The following RPL28 variants were observed in gnomAD, a reference collection of about 807,000 sequenced individuals.
RPL28 encodes the protein ribosomal protein L28.
Under a neutral mutation model 12.5 loss-of-function variants are expected in RPL28, and 4 were observed. The ratio of observed to expected loss-of-function variants is 0.32; its 90% confidence interval spans 0.16 to 0.73. The LOEUF (loss-of-function observed/expected upper bound fraction) is 0.73. Among genes scored for constraint, RPL28 ranks in the 30% least tolerant of loss-of-function variants. The pLI, the probability that RPL28 is intolerant of heterozygous loss-of-function variation, is 0.66. For synonymous variants in RPL28, 91 were observed against 72.5 expected (o/e 1.26, Z -1.30); for missense variants, 214 against 197.7 (o/e 1.08, Z -0.49).
At chr19:55,386,532 T>C (rs769545911) in intron 2 of RPL28, 38 bp from the exon 3 acceptor site, 2 of 1,599,986 alleles carry the variant, frequency 1.3e-6, no homozygotes, top group South Asian at 1.1e-5. Context: ...TGTCTCCGGG[T>C]CCCTTATTCA....
intron 4 of RPL28, among the ~76,000 whole-genome samples, chr19:55,399,198 G>A (rs938316314): frequency 6.7e-6 from 1 of 149,386 alleles, no homozygotes. Flanking sequence ...ACAGAGTCTC[G>A]CTCTGTCACC....
At chr19:55,386,903 T>A in intron 3 of RPL28, 1 of 1,501,418 alleles carries the variant, frequency 6.7e-7, no homozygotes. Flanking sequence ...ACCTGTAAAG[T>A]GGAGAAATGA....
intron 4 of RPL28, chr19:55,401,828 G>A: frequency 1.3e-6 from 2 of 1,559,242 alleles, no homozygotes; most frequent in Non-Finnish European, 1.8e-6. Flanking sequence ...GCCTCCACAA[G>A]AGGGTGGCCT....
intron 3 of RPL28, 197 bp downstream of exon 3, chr19:55,386,890 C>T (rs776307810): frequency 1.3e-6 from 2 of 1,532,930 alleles, no homozygotes; most frequent in South Asian, 1.2e-5. Context: ...AGCCCGTGTC[C>T]TCACCTGTAA....
At position 55,389,490 on chromosome 19, in the gene RPL28, C is replaced by T. The variant is rs1337592848; in HGVS notation, c.*1158C>T. The T allele has an allele frequency of 2.7e-5, 27 of 985,278 alleles. No individual in the cohort carries two copies. The East Asian group carries it at 5.7e-4, about 21-fold the overall frequency. 61.0% of individuals were successfully genotyped at this position (985,278 alleles called of 1,614,324 possible). ...CTGGTTCCTGCCATCCTGGGGTACC[C>T]GATTCAAAGAAGGACTCTGCTCCCT... is the stretch of plus-strand genomic sequence containing the variant. On this transcript the variant is annotated 3_prime_UTR_variant, in exon 5 of 5. Transcript: ENST00000344063.
At chr19:55,399,189 CAG>C (rs1179827953) in intron 4 of RPL28, among the ~76,000 whole-genome samples, 2 of 151,052 alleles carry the variant, frequency 1.3e-5, no homozygotes, top group Admixed American at 6.6e-5. Context: ...TTCTTTGAGA[CAG>C]AGTCTCGCTC....
intron 4 of RPL28, among the ~76,000 whole-genome samples, chr19:55,399,589 G>T (rs1267590193): frequency 2.6e-5 from 4 of 152,168 alleles, no homozygotes; most frequent in African/African-American, 7.2e-5. Context: ...GGGTGGGGCT[G>T]AAATTCCCAA....
chr19:55,393,956 C>T (rs2090007829), downstream of RPL28, among the ~76,000 whole-genome samples: 2 of 148,554 alleles, frequency 1.3e-5, no homozygotes, highest in African/African-American at 4.9e-5. Context: ...AGCTACAAGT[C>T]TTTTTTTTAA....
Position 55,388,390 on chromosome 19 carries a change from C to T in RPL28, c.*58C>T. ...GCTTTCTCACCTGCCTCGACTGGGC[C>T]TCCCTTTTTGAAACGCTCTGGGGAG... On this transcript the variant is annotated 3_prime_UTR_variant, in exon 5 of 5. Transcript: ENST00000344063. 7.0e-7 allele frequency: 1 copy of T among 1,430,252 alleles called. No individual in the cohort carries two copies. The highest frequency in any genetic ancestry group is 9.2e-7 in the Non-Finnish European group (1 of 1,088,524). The allele number at this position is 1,430,252 out of a possible 1,614,324, so 88.6% of individuals were successfully genotyped here.
chr19:55,389,108 C>T lies in RPL28; in HGVS notation c.*776C>T. 3 of 985,518 alleles carry T rather than the reference C, an allele frequency of 3.0e-6. No homozygotes were observed. The highest frequency in any genetic ancestry group is 4.7e-5 in the South Asian group (1 of 21,280). The allele number at this position is 985,518 out of a possible 1,614,324, so 61.0% of individuals were successfully genotyped here. ...GCCCAGCCCTCTTGTTTCCTTTGGCCTGTTTGCTCCCTAGTGTTTATTACA... is the reference window on the plus strand; with the variant it reads ...GCCCAGCCCTCTTGTTTCCTTTGGCTTGTTTGCTCCCTAGTGTTTATTACA... On this transcript the variant is annotated 3_prime_UTR_variant, in exon 5 of 5. Coordinates refer to ENST00000344063, the MANE Select transcript of RPL28 (RefSeq NM_000991.5).
In RPL28 at chr19:55,388,947, G is replaced by C. The variant is rs1379485325; in HGVS notation, c.*615G>C. 6 of 985,396 alleles carry C rather than the reference G, an allele frequency of 6.1e-6. No individual in the cohort carries two copies. Among genetic ancestry groups the C allele is most frequent in the Non-Finnish European group, 7.2e-6 (6 of 830,040 alleles). 61.0% of individuals were successfully genotyped at this position (985,396 alleles called of 1,614,324 possible). A position where few individuals can be genotyped will look rare whatever the true frequency, so the allele number is the denominator to read the frequency against. On this transcript the variant is annotated 3_prime_UTR_variant, in exon 5 of 5. Transcript: ENST00000344063. ...GGGTACAGCCAGCAGGCATTGAGCA[G>C]CCTTAGCATTGTCCCCCTACTCCCG...
chr19:55,391,104 C>A lies in RPL28; in HGVS notation c.*2772C>A. ...GGTCCCTGATAAAGTTAGTAGCTGC[C>A]CTCATCAGAAACCAGGCCCAGGCAG... On this transcript the variant is annotated 3_prime_UTR_variant, in exon 5 of 5. Transcript: ENST00000344063. The A allele has an allele frequency of 2.7e-6, 1 of 365,504 alleles. No homozygotes were observed. The highest frequency in any genetic ancestry group is 3.8e-6 in the Non-Finnish European group (1 of 262,384). 22.6% of individuals were successfully genotyped at this position (365,504 alleles called of 1,614,324 possible). A position where few individuals can be genotyped will look rare whatever the true frequency, so the allele number is the denominator to read the frequency against.
chr19:55,402,043 G>A (rs556509389), intron 4 of RPL28, among the ~76,000 whole-genome samples: 4 of 152,310 alleles, frequency 2.6e-5, no homozygotes, highest in East Asian at 1.9e-4. Context: ...GCTGGGTAAC[G>A]GGGGAAACGC....
rs2089977111 is a variant in RPL28 at position 55,390,168 on chromosome 19, T to C, written c.*1836T>C. The C allele has an allele frequency of 1.0e-6, 1 of 985,488 alleles. No individual in the cohort carries two copies. Among genetic ancestry groups the C allele is most frequent in the South Asian group, 4.7e-5 (1 of 21,292 alleles). 61.0% of individuals were successfully genotyped at this position (985,488 alleles called of 1,614,324 possible). On this transcript the variant is annotated 3_prime_UTR_variant, in exon 5 of 5. Coordinates refer to ENST00000344063, the MANE Select transcript of RPL28 (RefSeq NM_000991.5). The stretch of plus-strand genomic sequence containing the variant: ...TGAGATGCTTGATGAATGGTGCATA[T>C]TGAATGTATAAAGCCCACCGGTCCT...
chr19:55,395,601 A>T (rs553921396), downstream of RPL28, among the ~76,000 whole-genome samples: 9 of 150,538 alleles, frequency 6.0e-5, no homozygotes, highest in South Asian at 2.1e-4. Flanking sequence ...CCACCACCAC[A>T]CCCGGCTAAT....
At position 55,397,615 on chromosome 19, in the gene RPL28, T is replaced by C. The variant is rs569621317; in HGVS notation, c.325-5328T>C. Among the ~76,000 whole-genome samples the C allele has an allele frequency of 2.6e-3, 395 of 152,044 alleles. 3 individuals carry two copies. The highest frequency in any genetic ancestry group is 0.014 in the Middle Eastern group (4 of 294). On this transcript the variant is annotated intron_variant, in intron 4 of 4. Coordinates refer to the RPL28 transcript ENST00000560055. ...CAGGATAGTCTCGATCTCCTGATCT[T>C]GTGATCCACCCGCCTCGACCTCCCA...
chr19:55,399,261 G>C (rs2090041063), intron 4 of RPL28, among the ~76,000 whole-genome samples: 1 of 152,142 alleles, frequency 6.6e-6, no homozygotes, highest in South Asian at 2.1e-4. Context: ...CTGTGTCCCA[G>C]GTTCAAGAGA....
At chr19:55,402,928 T>TC in intron 4 of RPL28, 2 of 665,274 alleles carry the variant, frequency 3.0e-6, no homozygotes, top group Admixed American at 8.0e-5. Context: ...TTTGGTTAAC[T>TC]TTTTTTTTTT....
At chr19:55,403,160 T>C in exon 5 of RPL28, 1 of 710,444 alleles carries the variant, frequency 1.4e-6, no homozygotes, top group South Asian at 1.5e-5. Flanking sequence ...TGACAATGCA[T>C]AATACCCCTT....
Sources: gnomAD v4.1 joint callset for allele counts (sites outside exome capture counted in the v4.1 genomes callset) on GRCh38, gnomAD v4.1.1 for gene constraint, MANE v1.5 for transcripts, NCBI Gene and HGNC (gene_info 2026-07-23, HGNC 2026-07-21) for gene names.